FSTL4: variants seen among roughly 807,000 people sequenced by gnomAD.
FSTL4 encodes follistatin-related protein 4.
A neutral mutation model predicts 78.2 loss-of-function variants in FSTL4; 28 were observed. The observed-to-expected ratio is 0.36, with a 90% CI of 0.27 to 0.49. FSTL4 has a LOEUF of 0.49. FSTL4 is among the 20% of genes least tolerant of loss of function. The pLI is 0.98. For missense variants in FSTL4, 922 were observed against 1,084.9 expected (o/e 0.85, Z 2.11); for synonymous variants, 422 against 440.5 (o/e 0.96, Z 0.53).
At chr5:133,514,182 G>GATAATA (rs10671234) in intron 3 of FSTL4, among the ~76,000 whole-genome samples, 2,852 of 116,448 alleles carry the variant, frequency 0.024, 50 homozygotes, top group South Asian at 0.059. Flanking sequence ...CCGTCTCAAT[G>GATAATA]ATAATAATAA....
chr5:133,467,513 C>A (rs1332089383), intron 3 of FSTL4, among the ~76,000 whole-genome samples: 1 of 152,168 alleles, frequency 6.6e-6, no homozygotes, highest in East Asian at 1.9e-4. Flanking sequence ...TCTTGGGCCG[C>A]CCCTACTGCG....
At chr5:133,291,644 A>C (rs1200477102) in intron 6 of FSTL4, among the ~76,000 whole-genome samples, 1 of 152,176 alleles carries the variant, frequency 6.6e-6, no homozygotes, top group Admixed American at 6.5e-5. Flanking sequence ...AAGGAGGGAG[A>C]GGTCCGGAGG....
the FSTL4 span, among the ~76,000 whole-genome samples, chr5:133,823,774 C>T: frequency 6.6e-6 from 1 of 152,106 alleles, no homozygotes; most frequent in East Asian, 1.9e-4. Context: ...GTCAGCATAC[C>T]CTGGAACTGG....
the FSTL4 span, among the ~76,000 whole-genome samples, chr5:133,735,813 G>T: frequency 6.6e-6 from 1 of 152,170 alleles, no homozygotes; most frequent in Non-Finnish European, 1.5e-5. Flanking sequence ...AGATAAATGT[G>T]TTCCTGAAAA....
At chr5:133,257,166 T>C (rs1242305277) in intron 6 of FSTL4, among the ~76,000 whole-genome samples, 2 of 152,216 alleles carry the variant, frequency 1.3e-5, no homozygotes, top group Non-Finnish European at 2.9e-5. Flanking sequence ...GGAGCCAGGA[T>C]ACAGTGGGAA....
the FSTL4 span, among the ~76,000 whole-genome samples, chr5:133,763,521 A>T: frequency 6.6e-6 from 1 of 152,012 alleles, no homozygotes; most frequent in African/African-American, 2.4e-5. Context: ...TCCTCCATGC[A>T]TTTTCCAGGC....
At chr5:133,321,144 G>T (rs958286156) in intron 4 of FSTL4, among the ~76,000 whole-genome samples, 4 of 152,298 alleles carry the variant, frequency 2.6e-5, no homozygotes, top group South Asian at 4.1e-4. Flanking sequence ...TACAAGAGAG[G>T]TGGGGGGTAT....
intron 3 of FSTL4, among the ~76,000 whole-genome samples, chr5:133,412,277 C>A (rs1756491411): frequency 6.6e-6 from 1 of 151,996 alleles, no homozygotes; most frequent in African/African-American, 2.4e-5. Flanking sequence ...GTGATAAAAT[C>A]AATATGAGAT....
intron 11 of FSTL4, among the ~76,000 whole-genome samples, chr5:133,222,807 C>T (rs1751185227): frequency 6.6e-6 from 1 of 152,202 alleles, no homozygotes; most frequent in South Asian, 2.1e-4. Flanking sequence ...TTTGTCTGTT[C>T]TCCTCTCATT....
At chr5:133,638,630 C>T in the FSTL4 span, among the ~76,000 whole-genome samples, 466 of 152,302 alleles carry the variant, frequency 3.1e-3, 4 homozygotes, top group African/African-American at 0.011. Flanking sequence ...AAAATTTCAG[C>T]TCCTCCCACC....
At chr5:133,690,203 TAAA>T in the FSTL4 span, among the ~76,000 whole-genome samples, 1 of 152,108 alleles carries the variant, frequency 6.6e-6, no homozygotes, top group Non-Finnish European at 1.5e-5. Flanking sequence ...CTCTGTCACC[TAAA>T]ATGACCCCCT....
intron 3 of FSTL4, among the ~76,000 whole-genome samples, chr5:133,436,626 C>T (rs542794867): frequency 3.3e-5 from 5 of 152,112 alleles, no homozygotes; most frequent in African/African-American, 7.2e-5. Context: ...TATCTCTTCC[C>T]GACTCTGTGT....
the FSTL4 span, among the ~76,000 whole-genome samples, chr5:133,639,787 C>G: frequency 6.6e-6 from 1 of 152,148 alleles, no homozygotes; most frequent in Admixed American, 6.5e-5. Flanking sequence ...TTATCCGCAT[C>G]TTATGTGCTA....
chr5:133,600,593 T>C (rs1319991504), intron 2 of FSTL4, among the ~76,000 whole-genome samples: 2 of 152,230 alleles, frequency 1.3e-5, no homozygotes, highest in Non-Finnish European at 1.5e-5. Context: ...TGTAAAATGG[T>C]AAACTCCTTG....
chr5:133,826,565 C>A, the FSTL4 span, among the ~76,000 whole-genome samples: 1 of 152,242 alleles, frequency 6.6e-6, no homozygotes. Context: ...CACACTGCCT[C>A]CTCTTCGTGT....
At chr5:133,697,419 G>A in the FSTL4 span, among the ~76,000 whole-genome samples, 1 of 152,160 alleles carries the variant, frequency 6.6e-6, no homozygotes, top group East Asian at 1.9e-4. Context: ...CCCAGACCAT[G>A]CTGACCTCTT....
intron 2 of FSTL4, among the ~76,000 whole-genome samples, chr5:133,571,682 C>T (rs1760158548): frequency 6.6e-6 from 1 of 152,000 alleles, no homozygotes; most frequent in Non-Finnish European, 1.5e-5. Flanking sequence ...TCTCCAAAAA[C>T]CTATTGAAAC....
the FSTL4 span, among the ~76,000 whole-genome samples, chr5:133,661,553 T>C: frequency 6.6e-6 from 1 of 152,250 alleles, no homozygotes; most frequent in Non-Finnish European, 1.5e-5. Flanking sequence ...TTTAATATAT[T>C]ACAGCCTAAC....
intron 7 of FSTL4, among the ~76,000 whole-genome samples, chr5:133,234,294 C>A (rs539319755): frequency 2.0e-5 from 3 of 152,300 alleles, no homozygotes; most frequent in Admixed American, 1.3e-4. Flanking sequence ...CTAGGAAGGG[C>A]GGATGCCCAT....
Sources: gnomAD v4.1 joint callset for allele counts (sites outside exome capture counted in the v4.1 genomes callset) on GRCh38, gnomAD v4.1.1 for gene constraint, MANE v1.5 for transcripts, NCBI Gene and HGNC (gene_info 2026-07-23, HGNC 2026-07-21) for gene names.